The following ROBO2 variants were observed in gnomAD, a reference collection of about 807,000 sequenced individuals.
ROBO2 encodes the protein roundabout homolog 2.
Under a neutral mutation model 160.8 loss-of-function variants are expected in ROBO2, and 53 were observed. The observed-to-expected ratio is 0.33, with a 90% CI of 0.26 to 0.41. The LOEUF (loss-of-function observed/expected upper bound fraction) is 0.41, where lower values mean the gene tolerates loss of function less well. Ranked by LOEUF, ROBO2 falls within the 10% of genes least tolerant of loss-of-function variation. ROBO2 has a pLI of 1.00. For missense variants in ROBO2, 1,577 were observed against 1,722.4 expected (o/e 0.92, Z 1.49); for synonymous variants, 664 against 611.7 (o/e 1.09, Z -1.26).
intron 2 of ROBO2, among the ~76,000 whole-genome samples, chr3:77,278,856 T>C (rs2060059365): frequency 6.6e-6 from 1 of 152,092 alleles, no homozygotes; most frequent in Admixed American, 6.5e-5. Context: ...AACAAAAATA[T>C]GACTTAAATT....
rs1027296968 is a variant in ROBO2 at position 77,580,196 on chromosome 3, T to C, written c.2500+78T>C. On this transcript the variant is annotated intron_variant, in intron 16 of 25. Transcript: ENST00000461745. Reference sequence around the variant, plus strand: ...GGATGATGATTTTGCATCAACCTACTAATAGTGAATATACACTTATGAATG... The same window carrying C: ...GGATGATGATTTTGCATCAACCTACCAATAGTGAATATACACTTATGAATG... 13 of 1,246,624 alleles carry C rather than the reference T, an allele frequency of 1.0e-5. No individual in the cohort carries two copies. The African/African-American group carries it at 1.9e-4, about 18-fold the overall frequency. 77.2% of individuals were successfully genotyped at this position (1,246,624 alleles called of 1,614,324 possible).
intron 2 of ROBO2, among the ~76,000 whole-genome samples, chr3:76,033,797 T>C (rs1283346556): frequency 1.3e-5 from 2 of 152,170 alleles, no homozygotes; most frequent in African/African-American, 4.8e-5. Flanking sequence ...TACTTGCTGT[T>C]GTCTGGAACA....
intron 8 of ROBO2, among the ~76,000 whole-genome samples, chr3:77,557,313 A>G (rs2093158496): frequency 6.6e-6 from 1 of 151,970 alleles, no homozygotes; most frequent in Admixed American, 6.6e-5. Context: ...TTGATCAATT[A>G]TAAGCACTAA....
intron 2 of ROBO2, among the ~76,000 whole-genome samples, chr3:76,798,370 C>T (rs2063936682): frequency 6.6e-6 from 1 of 151,516 alleles, no homozygotes; most frequent in South Asian, 2.1e-4. Context: ...TGCAAAAATC[C>T]TCAACAAAAT....
intron 2 of ROBO2, among the ~76,000 whole-genome samples, chr3:76,299,814 A>G (rs1274598644): frequency 1.3e-5 from 2 of 152,128 alleles, no homozygotes; most frequent in East Asian, 3.9e-4. Context: ...TGGATTCTAC[A>G]CCTACAAAGA....
intron 2 of ROBO2, among the ~76,000 whole-genome samples, chr3:77,411,151 G>A (rs2076768136): frequency 1.3e-5 from 2 of 152,034 alleles, no homozygotes; most frequent in Non-Finnish European, 2.9e-5. Context: ...AAATAAAAAT[G>A]GCATCATTTT....
Position 76,024,358 on chromosome 3 carries a change from T to C in ROBO2, c.109+86756T>C, listed in dbSNP as rs559415108. Among the ~76,000 whole-genome samples the C allele has an allele frequency of 6.9e-4, 84 of 121,622 alleles. 1 individual carries two copies. Among genetic ancestry groups the C allele is most frequent in the African/African-American group, 2.2e-3 (78 of 35,722 alleles). 79.8% of individuals were successfully genotyped at this position (121,622 alleles called of 152,430 possible). On this transcript the variant is annotated intron_variant, in intron 2 of 26. Coordinates refer to the ROBO2 transcript ENST00000487694. ...AAAGAAGCAAGTTAACTCATGTTTA[T>C]GTTTTAGAACTTATTTTTTTTTTTT...
intron 2 of ROBO2, among the ~76,000 whole-genome samples, chr3:76,263,422 T>C (rs1706895679): frequency 6.6e-6 from 1 of 152,072 alleles, no homozygotes; most frequent in African/African-American, 2.4e-5. Context: ...AGAGTCTTGC[T>C]GTGTCGCCTA....
rs533317250 is a variant in ROBO2 at position 77,620,669 on chromosome 3, A to T, written c.3555-1558A>T. Among the ~76,000 whole-genome samples the T allele has an allele frequency of 1.2e-4, 19 of 152,302 alleles. No individual in the cohort carries two copies. The South Asian group carries it at 3.5e-3, about 28-fold the overall frequency. On this transcript the variant is annotated intron_variant, in intron 22 of 25. Coordinates refer to ENST00000461745, the Ensembl canonical transcript of ROBO2. Reference sequence around the variant, plus strand: ...ATTGAGGTAGCTTCCAGAATTAGAAATTTTTTTAACATTGAAACATCTAGA... The same window carrying T: ...ATTGAGGTAGCTTCCAGAATTAGAATTTTTTTTAACATTGAAACATCTAGA...
At chr3:77,431,632 C>T (rs1014718299) in intron 2 of ROBO2, among the ~76,000 whole-genome samples, 3 of 152,098 alleles carry the variant, frequency 2.0e-5, no homozygotes, top group Non-Finnish European at 4.4e-5. Flanking sequence ...TTCCCAGCAT[C>T]CAGCTCAATG....
chr3:76,234,061 G>C (rs1004908904), intron 2 of ROBO2, among the ~76,000 whole-genome samples: 3 of 152,176 alleles, frequency 2.0e-5, no homozygotes, highest in African/African-American at 7.2e-5. Context: ...TTATAAGTGA[G>C]AACAGGCAGT....
At chr3:75,922,823 G>A (rs1366392490) in intron 1 of ROBO2, among the ~76,000 whole-genome samples, 8 of 152,202 alleles carry the variant, frequency 5.3e-5, no homozygotes, top group Non-Finnish European at 7.4e-5. Context: ...ATAGGTATTC[G>A]TATTGAGGGA....
chr3:76,471,911 A>G (rs538332901), intron 2 of ROBO2, among the ~76,000 whole-genome samples: 32 of 152,158 alleles, frequency 2.1e-4, no homozygotes, highest in Non-Finnish European at 4.0e-4. Context: ...CACTACCATG[A>G]GAAAAGCATG....
intron 2 of ROBO2, among the ~76,000 whole-genome samples, chr3:77,414,731 GCATTCATTATTTCA>G (rs1379235684): frequency 6.6e-6 from 1 of 152,140 alleles, no homozygotes; most frequent in African/African-American, 2.4e-5. Context: ...AGTCCATGAT[GCATTCATTATTTCA>G]CATTAATGTT....
intron 1 of ROBO2, among the ~76,000 whole-genome samples, chr3:75,923,450 T>A (rs1442266955): frequency 1.3e-5 from 2 of 152,192 alleles, no homozygotes; most frequent in African/African-American, 2.4e-5. Context: ...AAGTTCAAGT[T>A]AGACCAGAAG....
rs543941626 is a variant in ROBO2 at position 75,974,794 on chromosome 3, G to A, written c.109+37192G>A. Among the ~76,000 whole-genome samples the A allele has an allele frequency of 8.1e-4, 123 of 151,560 alleles. 1 individual carries two copies. The highest frequency in any genetic ancestry group is 3.4e-3 in the Middle Eastern group (1 of 292). ...AGGCAGTTTTGAGAGGCTAAAATAT[G>A]TAGATACATTTACTTTCACAACTTT... On this transcript the variant is annotated intron_variant, in intron 2 of 26. Coordinates refer to the ROBO2 transcript ENST00000487694.
chr3:77,073,912 C>CA (rs1559951937), intron 1 of ROBO2, among the ~76,000 whole-genome samples: 1 of 152,076 alleles, frequency 6.6e-6, no homozygotes, highest in African/African-American at 2.4e-5. Flanking sequence ...GACCTGGAAA[C>CA]ATACACAAAG....
chr3:77,038,140 T>C (rs1440962851), upstream of ROBO2, among the ~76,000 whole-genome samples: 1 of 152,244 alleles, frequency 6.6e-6, no homozygotes, highest in Admixed American at 6.5e-5. Flanking sequence ...TTAGACGTAT[T>C]GGACCTTTGG....
chr3:77,200,321 ATT>A (rs201851831), intron 2 of ROBO2, among the ~76,000 whole-genome samples: 1,782 of 54,564 alleles, frequency 0.033, 198 homozygotes, highest in Non-Finnish European at 0.055. Flanking sequence ...ATATATATAT[ATT>A]TTAGTTTCTA....
Sources: gnomAD v4.1 joint callset for allele counts (sites outside exome capture counted in the v4.1 genomes callset) on GRCh38, gnomAD v4.1.1 for gene constraint, MANE v1.5 for transcripts, NCBI Gene and HGNC (gene_info 2026-07-23, HGNC 2026-07-21) for gene names.